The following INTS14 variants were observed in gnomAD, a reference collection of about 807,000 sequenced individuals.
INTS14 encodes integrator complex subunit 14.
Under a neutral mutation model 56.9 loss-of-function variants are expected in INTS14, and 27 were observed. The ratio of observed to expected loss-of-function variants is 0.47; its 90% confidence interval spans 0.35 to 0.65. The LOEUF is 0.65. Ranked by LOEUF, INTS14 falls within the 30% of genes least tolerant of loss-of-function variation. The probability of loss-of-function intolerance (pLI) is 0.00; values close to 1 mark genes in which losing one functional copy is unlikely to be tolerated. For synonymous variants in INTS14, 207 were observed against 236.2 expected, an observed-to-expected ratio of 0.88 and a Z score of 1.13; for missense variants, 517 against 632.2, an observed-to-expected ratio of 0.82 and a Z score of 1.95.
chr15:65,607,053 A>C, intron 2 of INTS14, 106 bp downstream of exon 2: 2 of 1,376,658 alleles, frequency 1.5e-6, no homozygotes, highest in Non-Finnish European at 9.8e-7. Flanking sequence ...GTACTCATAG[A>C]CTTATTAAAT....
At chr15:65,592,645 CA>C (rs2040162394) in intron 8 of INTS14, among the ~76,000 whole-genome samples, 1 of 152,140 alleles carries the variant, frequency 6.6e-6, no homozygotes, top group Non-Finnish European at 1.5e-5. Flanking sequence ...TGATACCTCC[CA>C]TATAGTGTTG....
chr15:65,589,698 A>T (rs35806739), intron 9 of INTS14, among the ~76,000 whole-genome samples: 3 of 151,382 alleles, frequency 2.0e-5, no homozygotes, highest in East Asian at 3.9e-4. Flanking sequence ...CTATGAGCTC[A>T]TTTTTTTTCA....
In INTS14 at chr15:65,579,030, A is replaced by AGTT. The variant is rs200385483; in HGVS notation, c.*375_*377dup. The stretch of plus-strand genomic sequence containing the variant: ...AACAGAAGCTTGAAAATGCCCTTAC[A>AGTT]GTTGAGATATAAACGAGGGAAGAGG... On this transcript the variant is annotated 3_prime_UTR_variant, in exon 12 of 12. Coordinates refer to ENST00000313182, the MANE Select transcript of INTS14 (RefSeq NM_001394796.1). The AGTT allele has an allele frequency of 8.7e-3, 1,545 of 176,768 alleles. 17 individuals carry two copies. Among genetic ancestry groups the AGTT allele is most frequent in the African/African-American group, 0.035 (1,475 of 42,106 alleles). 10.9% of individuals were successfully genotyped at this position (176,768 alleles called of 1,614,324 possible).
At chr15:65,600,726 G>A (rs2073402442) in intron 3 of INTS14, among the ~76,000 whole-genome samples, 1 of 151,948 alleles carries the variant, frequency 6.6e-6, no homozygotes. Context: ...CACATTATAG[G>A]ATAAAGAATA....
At chr15:65,604,414 A>G (rs2141320371) in intron 3 of INTS14, among the ~76,000 whole-genome samples, 1 of 152,214 alleles carries the variant, frequency 6.6e-6, no homozygotes, top group Non-Finnish European at 1.5e-5. Context: ...CACTTTTTAG[A>G]CAACTCAGTT....
chr15:65,582,008 C>T lies in INTS14; in HGVS notation c.1251G>A (p.Gln417=). 1 of 1,609,432 alleles carries T rather than the reference C, an allele frequency of 6.2e-7. No individual in the cohort carries two copies. The highest frequency in any genetic ancestry group is 1.3e-5 in the African/African-American group (1 of 74,620). Residue 417 remains glutamine (Q), a synonymous_variant, in exon 11 of 12, where the codon CAG becomes CAA. Transcript: ENST00000313182. ...IKPSGLQTDV[Q]KILRNARKLP... is the part of the protein sequence containing the mutation. ...GTTTCCTTGCATTTCTTAAAATCTTCTGTACATCTGTCTATTAAGGGTAAA... is the reference window on the plus strand; with the variant it reads ...GTTTCCTTGCATTTCTTAAAATCTTTTGTACATCTGTCTATTAAGGGTAAA...
chr15:65,610,832 T>C, intron 1 of INTS14: 1 of 1,534,182 alleles, frequency 6.5e-7, no homozygotes. Context: ...GATCTGGAAG[T>C]CTCTCTTGGA....
In INTS14 at chr15:65,579,635, C is replaced by A. The variant is rs777498623; in HGVS notation, c.1330G>T (p.Ala444Ser). 1.2e-6 allele frequency: 2 copies of A among 1,613,740 alleles called. No homozygotes were observed. The highest frequency in any genetic ancestry group is 1.7e-6 in the Non-Finnish European group (2 of 1,179,814). ...YKELNRLRKA[A>S]LAFGFLDLLK... ...AGGTCCAGGAAACCAAAGGCTAGAG[C>A]GGCCTTTCGCAAACGGTTCAGCTCC... The change falls in exon 12 of 12, where the codon GCT becomes TCT. Residue 444 changes from alanine (A) to serine (S), a missense_variant. Transcript: ENST00000313182.
chr15:65,607,692 C>A (rs2073706361), intron 1 of INTS14, among the ~76,000 whole-genome samples: 5 of 152,138 alleles, frequency 3.3e-5, no homozygotes, highest in Admixed American at 3.3e-4. Flanking sequence ...AAAAAAAGCC[C>A]TGCTAAATTC....
chr15:65,581,722 C>T (rs987617445), intron 11 of INTS14, among the ~76,000 whole-genome samples: 2 of 152,168 alleles, frequency 1.3e-5, no homozygotes, highest in Non-Finnish European at 1.5e-5. Flanking sequence ...CATTCATTCA[C>T]AGCAGCCCCA....
chr15:65,591,527 ACAGT>A (rs1392055488), intron 9 of INTS14, 67 bp downstream of exon 9: 3 of 1,534,780 alleles, frequency 2.0e-6, no homozygotes, highest in Non-Finnish European at 8.9e-7. Flanking sequence ...CTCTGACTGC[ACAGT>A]CAGAGACATT....
At chr15:65,596,411 A>G (rs904347927) in intron 6 of INTS14, among the ~76,000 whole-genome samples, 2 of 152,140 alleles carry the variant, frequency 1.3e-5, no homozygotes, top group African/African-American at 4.8e-5. Context: ...AAACTTAAAA[A>G]CAATAAAAAT....
intron 5 of INTS14, 41 bp downstream of exon 5, chr15:65,598,831 G>C: frequency 7.0e-7 from 1 of 1,437,882 alleles, no homozygotes; most frequent in Non-Finnish European, 9.7e-7. Context: ...TTATAATACT[G>C]GATTGTAAAG....
At chr15:65,604,194 C>T (rs112912313) in intron 3 of INTS14, among the ~76,000 whole-genome samples, 9,492 of 152,138 alleles carry the variant, frequency 0.062, 307 homozygotes, top group African/African-American at 0.09. Context: ...GTGATTCTCC[C>T]GCCTCAGCCT....
rs140187447 is a variant in INTS14, at chr15:65,610,675, T to C, written c.-63+423A>G. 99 of 1,535,652 alleles carry C rather than the reference T, an allele frequency of 6.4e-5. 1 individual carries two copies. The East Asian group carries it at 1.4e-3, about 21-fold the overall frequency. ...CAAAGCAGGATTCTACCTGAATTTC[T>C]AGTGCCTCACCTGCTCTTTGGCTTT... On this transcript the variant is annotated intron_variant, in intron 1 of 11. Coordinates refer to ENST00000313182, the MANE Select transcript of INTS14 (RefSeq NM_001394796.1).
intron 11 of INTS14, among the ~76,000 whole-genome samples, chr15:65,580,517 C>T (rs1016525822): frequency 3.9e-5 from 6 of 152,246 alleles, no homozygotes; most frequent in African/African-American, 1.2e-4. Context: ...TAGGGAGGGG[C>T]CTGGCTGGCT....
intron 6 of INTS14, among the ~76,000 whole-genome samples, chr15:65,596,737 A>G (rs1325225585): frequency 6.6e-6 from 1 of 151,960 alleles, no homozygotes; most frequent in African/African-American, 2.4e-5. Flanking sequence ...CGCCTGGCTA[A>G]TTTTGTATTT....
chr15:65,601,374 ACT>A (rs890241154), intron 3 of INTS14, among the ~76,000 whole-genome samples: 4 of 151,724 alleles, frequency 2.6e-5, no homozygotes, highest in Non-Finnish European at 5.9e-5. Context: ...AAGGAGACTC[ACT>A]CTGTCACCCA....
chr15:65,603,603 G>A (rs985869604), intron 3 of INTS14, among the ~76,000 whole-genome samples: 10 of 151,720 alleles, frequency 6.6e-5, no homozygotes, highest in Non-Finnish European at 1.3e-4. Flanking sequence ...GAGCCACCAT[G>A]CCTAGCTACA....
Sources: gnomAD v4.1 joint callset for allele counts (sites outside exome capture counted in the v4.1 genomes callset) on GRCh38, gnomAD v4.1.1 for gene constraint, MANE v1.5 for transcripts, NCBI Gene and HGNC (gene_info 2026-07-23, HGNC 2026-07-21) for gene names.